Variants in TPO observed in about 807,000 individuals in gnomAD.
The protein encoded by TPO is thyroid microsomal antigen.
A neutral mutation model predicts 96.9 loss-of-function variants in TPO; 78 were observed. That is an observed-to-expected ratio of 0.81 (90% CI 0.67 to 0.97). TPO has a LOEUF of 0.97. Among genes scored for constraint, TPO ranks in the 50% least tolerant of loss-of-function variants. TPO has a pLI of 0.00. For synonymous variants in TPO, 547 were observed against 538.0 expected (o/e 1.02, Z -0.23); for missense variants, 1,252 against 1,274.8 (o/e 0.98, Z 0.27).
chr2:1,484,754 G>A lies in TPO; in HGVS notation c.1497G>A (p.Pro499=), dbSNP rs776864359. The A allele has an allele frequency of 2.4e-5, 39 of 1,613,892 alleles. 1 individual carries two copies. The highest frequency in any genetic ancestry group is 1.8e-4 in the East Asian group (8 of 44,874). ...GCTTCGGCCATGCCACGATCCACCC[G>A]CTGGTGAGGAGGCTGGACGCCAGCT... ...AFRFGHATIH[P]LVRRLDASFQ... The change falls in exon 9 of 17, where the codon CCG becomes CCA. Residue 499 remains proline, a synonymous_variant. Transcript: ENST00000329066.
In TPO at chr2:1,528,257, G is replaced by C. The variant is rs566787477; in HGVS notation, c.2618+11275G>C. Among the ~76,000 whole-genome samples the C allele has an allele frequency of 3.6e-3, 252 of 70,866 alleles. 2 individuals are homozygous for C. Among genetic ancestry groups the C allele is most frequent in the African/African-American group, 0.015 (221 of 15,214 alleles). 46.5% of individuals were successfully genotyped at this position (70,866 alleles called of 152,430 possible). On this transcript the variant is annotated intron_variant, in intron 15 of 16. Transcript: ENST00000329066. ...ACCTCCCCAAATCCCCCCAATGTAG[G>C]CAACCCCCCAAATCTCCCCCACAGT...
At chr2:1,430,289 C>G (rs140661792) in intron 3 of TPO, among the ~76,000 whole-genome samples, 1 of 152,314 alleles carries the variant, frequency 6.6e-6, no homozygotes, top group Non-Finnish European at 1.5e-5. Flanking sequence ...CAGTCCAAGC[C>G]GTAAGTGTCT....
At chr2:1,399,581 T>C (rs1662133807) in intron 1 of TPO, among the ~76,000 whole-genome samples, 1 of 152,226 alleles carries the variant, frequency 6.6e-6, no homozygotes, top group Non-Finnish European at 1.5e-5. Flanking sequence ...GAATTTTTCA[T>C]GTAATATTTT....
chr2:1,375,817 G>A (rs762686822), intron 1 of TPO, among the ~76,000 whole-genome samples: 2 of 152,136 alleles, frequency 1.3e-5, no homozygotes, highest in African/African-American at 2.4e-5. Flanking sequence ...CTCTAGTTCT[G>A]GTTTTTGGGG....
intron 14 of TPO, among the ~76,000 whole-genome samples, chr2:1,510,510 AAAG>A (rs1195244407): frequency 7.9e-5 from 12 of 152,156 alleles, no homozygotes; most frequent in African/African-American, 2.7e-4. Context: ...TCACCCACAG[AAAG>A]AAGGAGAAAG....
chr2:1,464,382 A>G (rs971705837), intron 7 of TPO, among the ~76,000 whole-genome samples: 1 of 152,232 alleles, frequency 6.6e-6, no homozygotes, highest in Non-Finnish European at 1.5e-5. Context: ...CATTTTTCGT[A>G]TAATGACTTC....
At chr2:1,496,556 C>T (rs748869834) in intron 12 of TPO, 39 bp from the exon 13 acceptor site, 26 of 1,612,432 alleles carry the variant, frequency 1.6e-5, no homozygotes, top group African/African-American at 6.7e-5. Context: ...TTTCTTTTCT[C>T]GTAGTTTGAC....
chr2:1,449,921 C>A (rs773852001), intron 5 of TPO, among the ~76,000 whole-genome samples: 7 of 152,082 alleles, frequency 4.6e-5, no homozygotes, highest in Non-Finnish European at 1.0e-4. Context: ...GTCTTAATTG[C>A]CTTCAATCAA....
chr2:1,508,375 G>A (rs1673705537), intron 14 of TPO, among the ~76,000 whole-genome samples: 1 of 151,938 alleles, frequency 6.6e-6, no homozygotes, highest in South Asian at 2.1e-4. Flanking sequence ...GCCCGGCTTT[G>A]GTATCAGGAT....
At chr2:1,469,187 C>T (rs1448379405) in intron 7 of TPO, among the ~76,000 whole-genome samples, 1 of 152,108 alleles carries the variant, frequency 6.6e-6, no homozygotes, top group Non-Finnish European at 1.5e-5. Context: ...AATAATTAAC[C>T]TTCTGAATTC....
At chr2:1,473,653 CT>C (rs1435134669) in intron 7 of TPO, among the ~76,000 whole-genome samples, 1 of 152,004 alleles carries the variant, frequency 6.6e-6, no homozygotes, top group African/African-American at 2.4e-5. Context: ...GAGAAATGAT[CT>C]TTTCCCAAAT....
intron 16 of TPO, chr2:1,541,083 G>C (rs1680709307): frequency 8.2e-7 from 1 of 1,216,932 alleles, no homozygotes; most frequent in Non-Finnish European, 1.0e-6. Context: ...AAGTGGAATA[G>C]TTATAATCAG....
At chr2:1,405,842 A>G (rs762767940) in intron 1 of TPO, among the ~76,000 whole-genome samples, 7 of 152,240 alleles carry the variant, frequency 4.6e-5, no homozygotes, top group Non-Finnish European at 7.3e-5. Flanking sequence ...AAAAAGAAAT[A>G]TGAGTCATTT....
At chr2:1,466,380 A>C (rs186036871) in intron 7 of TPO, among the ~76,000 whole-genome samples, 14 of 152,190 alleles carry the variant, frequency 9.2e-5, no homozygotes, top group Non-Finnish European at 1.8e-4. Flanking sequence ...TTCTGGTTTT[A>C]CTATTAGGGT....
In TPO at chr2:1,540,704, C is replaced by CAGCTCAGGACTCGGAGCAG. The variant is rs1680650074; in HGVS notation, c.2730_2748dup (p.Glu917SerfsTer70). 1 of 1,613,404 alleles carries CAGCTCAGGACTCGGAGCAG rather than the reference C, an allele frequency of 6.2e-7. No homozygotes were observed. On this transcript the variant is annotated frameshift_variant, in exon 16 of 17. Coordinates refer to ENST00000329066, the MANE Select transcript of TPO (RefSeq NM_001206744.2). LOFTEE classifies it low-confidence loss of function (END_TRUNC). The stretch of plus-strand genomic sequence containing the variant: ...GTAGGGACCTCACCGCAGCGGGCCG[C>CAGCTCAGGACTCGGAGCAG]AGCTCAGGACTCGGAGCAGGTGGGC...
chr2:1,426,740 CATG>C (rs1346220272), intron 3 of TPO, among the ~76,000 whole-genome samples: 1 of 152,176 alleles, frequency 6.6e-6, no homozygotes, highest in African/African-American at 2.4e-5. Flanking sequence ...CATCAGGAAA[CATG>C]ATGGTTTGTT....
At chr2:1,513,919 T>C (rs929060544) in intron 14 of TPO, among the ~76,000 whole-genome samples, 1 of 152,228 alleles carries the variant, frequency 6.6e-6, no homozygotes, top group Non-Finnish European at 1.5e-5. Context: ...TAAGTTTAGA[T>C]ATAGACACAA....
chr2:1,511,228 A>AGCCCTGCAGACTGGGGGTGCCACAGCAC (rs1342591672), intron 14 of TPO, among the ~76,000 whole-genome samples: 323 of 29,604 alleles, frequency 0.011, no homozygotes, highest in African/African-American at 0.015. Context: ...TGCCACAGCA[A>AGCCCTGCAGACTGGGGGTGCCACAGCAC]AGCCCTGCAG....
At chr2:1,489,926 A>C (rs1163857421) in intron 10 of TPO, among the ~76,000 whole-genome samples, 2 of 147,526 alleles carry the variant, frequency 1.4e-5, no homozygotes, top group Non-Finnish European at 3.0e-5. Flanking sequence ...TGGTGTGAGC[A>C]CACAGGAGGA....
Sources: gnomAD v4.1 joint callset for allele counts (sites outside exome capture counted in the v4.1 genomes callset) on GRCh38, gnomAD v4.1.1 for gene constraint, MANE v1.5 for transcripts, NCBI Gene and HGNC (gene_info 2026-07-23, HGNC 2026-07-21) for gene names.